The following ZNF613 variants were observed in gnomAD, a reference collection of about 807,000 sequenced individuals.
ZNF613 encodes the protein zinc finger protein 613.
In ZNF613, 8 loss-of-function variants were observed where a neutral mutation model predicts 14.3. The ratio of observed to expected loss-of-function variants is 0.56; its 90% CI spans 0.33 to 1.01. The LOEUF is 1.01. Among genes scored for constraint, ZNF613 ranks in the 50% least tolerant of loss-of-function variants. The probability of loss-of-function intolerance (pLI) is 0.03; values close to 1 mark genes in which losing one functional copy is unlikely to be tolerated. For synonymous variants in ZNF613, 228 were observed against 254.5 expected (o/e 0.90, Z 0.99); for missense variants, 656 against 741.9 (o/e 0.88, Z 1.35).
In ZNF613 at chr19:51,945,797, A is replaced by T. The variant is rs1359534977; in HGVS notation, c.*60A>T. On this transcript the variant is annotated 3_prime_UTR_variant, in exon 6 of 6. Coordinates refer to ENST00000293471, the MANE Select transcript of ZNF613 (RefSeq NM_001031721.4). ...TCAGTGATCAATTACATCATATGTC[A>T]CAAAAAACACAGAGGAACAAACTGA... 1 of 1,577,734 alleles carries T rather than the reference A, an allele frequency of 6.3e-7. No individual in the cohort carries two copies. The highest frequency in any genetic ancestry group is 1.7e-5 in the Admixed American group (1 of 58,936).
chr19:51,946,337 CTAAT>C lies in ZNF613; in HGVS notation c.*604_*607del, dbSNP rs923871714. 1 of 152,722 alleles carries C rather than the reference CTAAT, an allele frequency of 6.5e-6. No individual in the cohort carries two copies. Among genetic ancestry groups the C allele is most frequent in the Non-Finnish European group, 1.5e-5 (1 of 68,520 alleles). 9.5% of individuals were successfully genotyped at this position (152,722 alleles called of 1,614,324 possible). A position where few individuals can be genotyped will look rare whatever the true frequency, so the allele number is the denominator to read the frequency against. ...GAATCACTAGTTGATATGTCAATGA[CTAAT>C]TAAAAGGGGTTGTCAGTGTTACACA... On this transcript the variant is annotated 3_prime_UTR_variant, in exon 6 of 6. Coordinates refer to ENST00000293471, the MANE Select transcript of ZNF613 (RefSeq NM_001031721.4).
chr19:51,940,095 C>T (rs2122819605), intron 3 of ZNF613, 114 bp from the exon 4 acceptor site: 1 of 1,340,150 alleles, frequency 7.5e-7, no homozygotes. Flanking sequence ...AATCACAGCA[C>T]CTAGATATAT....
chr19:51,944,596 G>A lies in ZNF613; in HGVS notation c.713G>A (p.Gly238Glu). Residue 238 changes from glycine to glutamate, a missense_variant, in exon 6 of 6, where the codon GGG (glycine) becomes GAG (glutamate). By Grantham distance (98) the Gly-to-Glu change is moderately conservative. Coordinates refer to ENST00000293471, the MANE Select transcript of ZNF613 (RefSeq NM_001031721.4). ...AAACCTCATGGATGCAGTATATGTG[G>A]GAAAGCCTTCTCCAGAAAGTCCGGG... ...GEKPHGCSIC[G>E]KAFSRKSGLT... The A allele has an allele frequency of 6.2e-7, 1 of 1,614,166 alleles. No homozygotes were observed. Among genetic ancestry groups the A allele is most frequent in the Non-Finnish European group, 8.5e-7 (1 of 1,180,034 alleles).
At chr19:51,932,610 T>A (rs938544200) in intron 2 of ZNF613, among the ~76,000 whole-genome samples, 1 of 152,068 alleles carries the variant, frequency 6.6e-6, no homozygotes, top group Non-Finnish European at 1.5e-5. Context: ...GTGCTGTCTG[T>A]ATGCATTTAC....
At chr19:51,942,536 C>T (rs902546740) in intron 5 of ZNF613, among the ~76,000 whole-genome samples, 1 of 152,040 alleles carries the variant, frequency 6.6e-6, no homozygotes, top group Non-Finnish European at 1.5e-5. Flanking sequence ...AGGCCCAAGG[C>T]AGGTGTGTGT....
Position 51,944,241 on chromosome 19 carries a change from T to C in ZNF613, c.358T>C (p.Phe120Leu). 6.2e-7 allele frequency: 1 copy of C among 1,610,894 alleles called. No homozygotes were observed. The highest frequency in any genetic ancestry group is 8.5e-7 in the Non-Finnish European group (1 of 1,178,150). The change falls in exon 6 of 6, where the codon TTT becomes CTT. Residue 120 changes from phenylalanine to leucine, a missense_variant. Coordinates refer to ENST00000293471, the MANE Select transcript of ZNF613 (RefSeq NM_001031721.4). ...GNIIHQRKSD[F>L]PLRQNHDTFD... ...CATCATTCATCAGAGGAAAAGTGAT[T>C]TTCCTTTAAGGCAAAATCATGATAC...
Position 51,945,466 on chromosome 19 carries a change from T to C in ZNF613, c.1583T>C (p.Val528Ala), listed in dbSNP as rs1394991399. Residue 528 changes from valine to alanine, a missense_variant, in exon 6 of 6, where the codon GTT becomes GCT. Transcript: ENST00000293471. Reference sequence around the variant, plus strand: ...GCTTTCTCCCACTTGTCATGCCTTGTTTATCATAAGGGAATGCTGCATGCA... The same window carrying C: ...GCTTTCTCCCACTTGTCATGCCTTGCTTATCATAAGGGAATGCTGCATGCA... ...GKAFSHLSCLVYHKGMLHARE... is the reference protein window; with the variant it reads ...GKAFSHLSCLAYHKGMLHARE... 6.2e-7 allele frequency: 1 copy of C among 1,614,210 alleles called. No individual in the cohort carries two copies. The highest frequency in any genetic ancestry group is 1.7e-5 in the Admixed American group (1 of 60,028).
rs1007522321 is a variant in ZNF613, at chr19:51,945,324, G to C, written c.1441G>C (p.Glu481Gln). 3 of 1,614,160 alleles carry C rather than the reference G, an allele frequency of 1.9e-6. No individual in the cohort carries two copies. The highest frequency in any genetic ancestry group is 2.5e-6 in the Non-Finnish European group (3 of 1,180,030). The change falls in exon 6 of 6, where the codon GAG (glutamate) becomes CAG (glutamine). Residue 481 changes from glutamate (E) to glutamine (Q), a missense_variant. Glu to Gln is a conservative substitution (Grantham distance 29, BLOSUM62 2). Transcript: ENST00000293471. ...LINHQRIHTG[E>Q]KPYTCSDCGK... ...TAACCACCAGAGAATTCACACAGGA[G>C]AGAAACCCTATACATGCAGTGACTG...
chr19:51,929,713 C>T lies in ZNF613; in HGVS notation c.-358-19C>T, dbSNP rs1056743680. ...CATCCTTCTACTCATCATTAATCCA[C>T]CTTTTTTTCTTTTTATAGAGATGGC... On this transcript the variant is annotated intron_variant, in intron 1 of 5. Coordinates refer to ENST00000293471, the MANE Select transcript of ZNF613 (RefSeq NM_001031721.4). 16 of 152,094 alleles carry T rather than the reference C, an allele frequency of 1.1e-4. No individual in the cohort carries two copies. Among genetic ancestry groups the T allele is most frequent in the Admixed American group, 4.6e-4 (7 of 15,244 alleles). 9.4% of individuals were successfully genotyped at this position (152,094 alleles called of 1,614,324 possible).
At chr19:51,934,000 T>C (rs1245762074) in intron 2 of ZNF613, among the ~76,000 whole-genome samples, 1 of 152,068 alleles carries the variant, frequency 6.6e-6, no homozygotes, top group African/African-American at 2.4e-5. Flanking sequence ...GGTTTCACCA[T>C]GTTGGCCTGG....
At chr19:51,940,040 T>C (rs943159176) in intron 3 of ZNF613, among the ~76,000 whole-genome samples, 169 bp from the exon 4 acceptor site, 1 of 152,126 alleles carries the variant, frequency 6.6e-6, no homozygotes, top group East Asian at 1.9e-4. Flanking sequence ...TATAGATAGA[T>C]TTTGGAGATG....
intron 3 of ZNF613, among the ~76,000 whole-genome samples, chr19:51,939,572 C>A (rs987096845): frequency 6.6e-6 from 1 of 152,096 alleles, no homozygotes; most frequent in African/African-American, 2.4e-5. Context: ...TCAGGTGATC[C>A]GCCCGCCTAG....
Position 51,944,867 on chromosome 19 carries a change from G to T in ZNF613, c.984G>T (p.Arg328Ser). The T allele has an allele frequency of 6.2e-7, 1 of 1,613,124 alleles. No homozygotes were observed. Among genetic ancestry groups the T allele is most frequent in the Non-Finnish European group, 8.5e-7 (1 of 1,179,912 alleles). The change falls in exon 6 of 6, where the codon AGG becomes AGT. Residue 328 changes from arginine (R) to serine (S), a missense_variant. Coordinates refer to ENST00000293471, the MANE Select transcript of ZNF613 (RefSeq NM_001031721.4). ...CSLCGKAFSK[R>S]SRLTEHQRTH... Reference sequence around the variant, plus strand: ...TGTGTGGGAAGGCCTTCTCCAAAAGGTCCAGGCTCACTGAACACCAGAGAA... The same window carrying T: ...TGTGTGGGAAGGCCTTCTCCAAAAGTTCCAGGCTCACTGAACACCAGAGAA...
At chr19:51,928,867 AAAGAAAAGAAAAGG>A in intron 1 of ZNF613, among the ~76,000 whole-genome samples, 1 of 151,858 alleles carries the variant, frequency 6.6e-6, no homozygotes, top group African/African-American at 2.4e-5. Flanking sequence ...AAAAAAAAAA[AAAGAAAAGAAAAGG>A]AGAAAAGAAA....
chr19:51,945,792 A>C lies in ZNF613; in HGVS notation c.*55A>C, dbSNP rs889472046. ...TGCTTTCAGTGATCAATTACATCAT[A>C]TGTCACAAAAAACACAGAGGAACAA... On this transcript the variant is annotated 3_prime_UTR_variant, in exon 6 of 6. Coordinates refer to ENST00000293471, the MANE Select transcript of ZNF613 (RefSeq NM_001031721.4). 8.8e-6 allele frequency: 14 copies of C among 1,591,306 alleles called. No homozygotes were observed. The Middle Eastern group carries it at 5.0e-4, about 57-fold the overall frequency.
intron 5 of ZNF613, among the ~76,000 whole-genome samples, chr19:51,943,876 C>G (rs142079647): frequency 5.3e-5 from 8 of 152,312 alleles, no homozygotes; most frequent in African/African-American, 1.9e-4. Context: ...TGAGTCCGAG[C>G]AGGAATTAAC....
At chr19:51,935,789 C>T (rs1310336703) in intron 2 of ZNF613, among the ~76,000 whole-genome samples, 1 of 152,202 alleles carries the variant, frequency 6.6e-6, no homozygotes, top group Non-Finnish European at 1.5e-5. Flanking sequence ...TCTCCCCTCT[C>T]ACAGTCACCT....
At position 51,944,468 on chromosome 19, in the gene ZNF613, G is replaced by A; in HGVS notation, c.585G>A (p.Gln195=). 1 of 1,603,284 alleles carries A rather than the reference G, an allele frequency of 6.2e-7. No individual in the cohort carries two copies. The highest frequency in any genetic ancestry group is 8.5e-7 in the Non-Finnish European group (1 of 1,172,486). ...CAAATTCACAATTCATTAAGCATCA[G>A]CGAACTCAAAACATAGATAAACCCC... ...VNTNSQFIKH[Q]RTQNIDKPHV... Residue 195 remains glutamine (Q), a synonymous_variant, in exon 6 of 6, where the codon CAG becomes CAA. Coordinates refer to ENST00000293471, the MANE Select transcript of ZNF613 (RefSeq NM_001031721.4).
chr19:51,929,389 C>G (rs1436083921), intron 1 of ZNF613, among the ~76,000 whole-genome samples: 2 of 152,058 alleles, frequency 1.3e-5, no homozygotes, highest in African/African-American at 4.8e-5. Flanking sequence ...CATGTTTCTC[C>G]CTGACCCTCA....
Sources: gnomAD v4.1 joint callset for allele counts (sites outside exome capture counted in the v4.1 genomes callset) on GRCh38, gnomAD v4.1.1 for gene constraint, MANE v1.5 for transcripts, NCBI Gene and HGNC (gene_info 2026-07-23, HGNC 2026-07-21) for gene names.